MACROH2A1: variants seen among roughly 807,000 people sequenced by gnomAD.
The protein encoded by MACROH2A1 is macroH2A.1 histone.
A neutral mutation model predicts 31.6 loss-of-function variants in MACROH2A1; 2 were observed. The ratio of observed to expected loss-of-function variants is 0.06; its 90% CI spans 0.03 to 0.20. The LOEUF is 0.20. Among genes scored for constraint, MACROH2A1 ranks in the 10% least tolerant of loss-of-function variants. The probability of loss-of-function intolerance (pLI) is 1.00; values close to 1 mark genes in which losing one functional copy is unlikely to be tolerated. For synonymous variants in MACROH2A1, 169 were observed against 189.6 expected (o/e 0.89, Z 0.89); for missense variants, 230 against 474.0 (o/e 0.49, Z 4.78).
chr5:135,354,057 A>T (rs1051995029), intron 5 of MACROH2A1: 1 of 152,260 alleles, frequency 6.6e-6, no homozygotes, highest in Non-Finnish European at 1.5e-5. Context: ...TAACACCTGC[A>T]GACAAGTGCA....
intron 4 of MACROH2A1, chr5:135,360,945 C>T (rs544668342): frequency 3.1e-5 from 13 of 413,354 alleles, no homozygotes; most frequent in African/African-American, 2.5e-4. Context: ...AGTGTCTTTC[C>T]TTTCTAGATG....
chr5:135,383,699 TG>T (rs140513156), intron 2 of MACROH2A1, among the ~76,000 whole-genome samples: 4 of 118,356 alleles, frequency 3.4e-5, no homozygotes, highest in Admixed American at 8.9e-5. Context: ...TGATGTGGTG[TG>T]GTGTGTGTGT....
chr5:135,380,988 A>T (rs1581316108), intron 2 of MACROH2A1, among the ~76,000 whole-genome samples: 1 of 152,240 alleles, frequency 6.6e-6, no homozygotes, highest in Non-Finnish European at 1.5e-5. Context: ...AAAAGTAAAA[A>T]GACAAAGACC....
chr5:135,336,471 T>C (rs1175311074), intron 8 of MACROH2A1, among the ~76,000 whole-genome samples: 1 of 152,052 alleles, frequency 6.6e-6, no homozygotes, highest in East Asian at 1.9e-4. Context: ...GGGCAATTAG[T>C]GGGGGGCAAC....
chr5:135,385,468 C>A (rs1310887849), intron 2 of MACROH2A1, among the ~76,000 whole-genome samples: 1 of 152,188 alleles, frequency 6.6e-6, no homozygotes, highest in African/African-American at 2.4e-5. Flanking sequence ...CAGCTCTCAG[C>A]AAGGAGAGCT....
chr5:135,343,561 G>A, intron 7 of MACROH2A1, 127 bp from the exon 8 acceptor site: 3 of 1,391,280 alleles, frequency 2.2e-6, no homozygotes, highest in Non-Finnish European at 1.9e-6. Flanking sequence ...TGTGTCCGAG[G>A]AGTTCCACAG....
At chr5:135,382,266 GTCTACC>G (rs1237139301) in intron 2 of MACROH2A1, among the ~76,000 whole-genome samples, 1 of 152,212 alleles carries the variant, frequency 6.6e-6, no homozygotes, top group African/African-American at 2.4e-5. Context: ...CGTGGAACTT[GTCTACC>G]TATCTGCAGA....
At chr5:135,378,393 T>A (rs1275744823) in intron 2 of MACROH2A1, among the ~76,000 whole-genome samples, 2 of 152,232 alleles carry the variant, frequency 1.3e-5, no homozygotes, top group Admixed American at 6.5e-5. Context: ...CTCATCCCTG[T>A]CCAGGGCTGC....
chr5:135,357,892 T>C (rs1001858669), intron 5 of MACROH2A1: 1 of 985,064 alleles, frequency 1.0e-6, no homozygotes, highest in African/African-American at 1.7e-5. Flanking sequence ...CTGAGTAGCT[T>C]AGCAACCATG....
chr5:135,373,096 T>C (rs1219382482), intron 2 of MACROH2A1, among the ~76,000 whole-genome samples: 1 of 152,022 alleles, frequency 6.6e-6, no homozygotes, highest in South Asian at 2.1e-4. Context: ...GGCAAGAAAA[T>C]CGTTTGAAGG....
chr5:135,396,764 A>T (rs1768055210), intron 1 of MACROH2A1, among the ~76,000 whole-genome samples: 1 of 152,000 alleles, frequency 6.6e-6, no homozygotes, highest in Admixed American at 6.6e-5. Flanking sequence ...TTTCTTAATC[A>T]CGGCTGTGTC....
chr5:135,378,291 GC>G (rs1295817483), intron 2 of MACROH2A1, among the ~76,000 whole-genome samples: 1 of 152,190 alleles, frequency 6.6e-6, no homozygotes, highest in Non-Finnish European at 1.5e-5. Flanking sequence ...GCACCAGACC[GC>G]CCCTTCCCGG....
chr5:135,388,588 C>G (rs1305727992), intron 2 of MACROH2A1, among the ~76,000 whole-genome samples: 1 of 152,138 alleles, frequency 6.6e-6, no homozygotes, highest in Non-Finnish European at 1.5e-5. Context: ...TGAAATGGAT[C>G]CTGGATTAGG....
chr5:135,352,117 G>A (rs748159454), intron 6 of MACROH2A1, among the ~76,000 whole-genome samples: 7 of 152,254 alleles, frequency 4.6e-5, no homozygotes, highest in Admixed American at 1.3e-4. Flanking sequence ...AGAGCTCAAG[G>A]GATACAAAAT....
At chr5:135,365,659 A>G (rs1272623689) in intron 4 of MACROH2A1, among the ~76,000 whole-genome samples, 3 of 152,226 alleles carry the variant, frequency 2.0e-5, no homozygotes, top group African/African-American at 7.2e-5. Context: ...TCAGTATTAA[A>G]TGTTAAAAAG....
intron 8 of MACROH2A1, among the ~76,000 whole-genome samples, chr5:135,337,373 C>T (rs1353319798): frequency 2.2e-5 from 3 of 136,242 alleles, no homozygotes; most frequent in Non-Finnish European, 4.6e-5. Context: ...CATGCCCATG[C>T]CATGCCATGC....
At chr5:135,390,163 C>T (rs892097305) in intron 1 of MACROH2A1, among the ~76,000 whole-genome samples, 7 of 152,240 alleles carry the variant, frequency 4.6e-5, no homozygotes, top group Non-Finnish European at 1.0e-4. Flanking sequence ...GTAGCTGTTC[C>T]CTTTGGCTGG....
At chr5:135,339,190 G>T (rs995930277) in intron 8 of MACROH2A1, among the ~76,000 whole-genome samples, 1 of 152,222 alleles carries the variant, frequency 6.6e-6, no homozygotes, top group African/African-American at 2.4e-5. Context: ...AGTTGTGTCT[G>T]TAATGCCCTT....
At chr5:135,384,693 C>A (rs1031796481) in intron 2 of MACROH2A1, among the ~76,000 whole-genome samples, 1 of 152,206 alleles carries the variant, frequency 6.6e-6, no homozygotes, top group Non-Finnish European at 1.5e-5. Context: ...CATACTTTAA[C>A]CCTAATGTTA....
Sources: gnomAD v4.1 joint callset for allele counts (sites outside exome capture counted in the v4.1 genomes callset) on GRCh38, gnomAD v4.1.1 for gene constraint, MANE v1.5 for transcripts, NCBI Gene and HGNC (gene_info 2026-07-23, HGNC 2026-07-21) for gene names.